The following LRP1B variants were observed in gnomAD, a reference collection of about 807,000 sequenced individuals.
LRP1B encodes LDL receptor related protein 1B.
Under a neutral mutation model 556.6 loss-of-function variants are expected in LRP1B, and 217 were observed. That is an observed-to-expected ratio of 0.39 (90% confidence interval 0.35 to 0.44). LRP1B has a LOEUF of 0.44. LRP1B is among the 20% of genes least tolerant of loss of function. The pLI, the probability that LRP1B is intolerant of heterozygous loss-of-function variation, is 1.00. For synonymous variants in LRP1B, 2,047 were observed against 1,865.8 expected (o/e 1.10, Z -2.50); for missense variants, 5,053 against 5,620.8 (o/e 0.90, Z 3.23).
At chr2:141,464,265 A>T (rs887457442) in intron 3 of LRP1B, among the ~76,000 whole-genome samples, 2 of 152,190 alleles carry the variant, frequency 1.3e-5, no homozygotes, top group African/African-American at 4.8e-5. Context: ...AATTTGGTAC[A>T]ATCTCTAACA....
chr2:140,771,037 T>C (rs2104939665), intron 33 of LRP1B, 31 bp from the exon 34 acceptor site: 19 of 1,520,540 alleles, frequency 1.2e-5, no homozygotes, highest in Non-Finnish European at 1.7e-5. Flanking sequence ...ACAAATTTCT[T>C]TAATGAAATT....
intron 2 of LRP1B, among the ~76,000 whole-genome samples, chr2:141,642,388 G>T (rs1001463537): frequency 2.6e-5 from 4 of 152,120 alleles, no homozygotes; most frequent in Non-Finnish European, 5.9e-5. Flanking sequence ...CAAACTGGAA[G>T]AAACTACACA....
intron 90 of LRP1B, 89 bp from the exon 91 acceptor site, chr2:140,233,415 A>G: frequency 2.4e-6 from 2 of 826,686 alleles, no homozygotes; most frequent in South Asian, 4.7e-5. Context: ...TCCTAATCGT[A>G]ACAATATTTA....
chr2:140,432,529 T>G lies in LRP1B; in HGVS notation c.10414+9975A>C, dbSNP rs182628287. Among the ~76,000 whole-genome samples the G allele has an allele frequency of 2.0e-3, 300 of 152,352 alleles. 2 individuals carry two copies. The highest frequency in any genetic ancestry group is 4.1e-3 in the Admixed American group (62 of 15,302). ...TAGCCAGTTATTACTGCTCAGAGTC[T>G]GTTTGTATCAAGAATCTTGTGTTTT... On this transcript the variant is annotated intron_variant, in intron 66 of 90. Transcript: ENST00000389484.
At chr2:140,565,524 T>C (rs1275624722) in intron 43 of LRP1B, among the ~76,000 whole-genome samples, 1 of 152,162 alleles carries the variant, frequency 6.6e-6, no homozygotes, top group Non-Finnish European at 1.5e-5. Flanking sequence ...TAAATAAGGA[T>C]ATTTACTTAT....
chr2:140,586,593 A>C lies in LRP1B; in HGVS notation c.7194+12038T>G, dbSNP rs1681995178. 3 of 152,266 alleles carry C rather than the reference A, an allele frequency of 2.0e-5. No individual in the cohort carries two copies. In the South Asian group the frequency reaches 6.2e-4, roughly 32 times the overall value. 9.4% of individuals were successfully genotyped at this position (152,266 alleles called of 1,614,324 possible). A position where few individuals can be genotyped will look rare whatever the true frequency, so the allele number is the denominator to read the frequency against. On this transcript the variant is annotated intron_variant, in intron 43 of 90. Transcript: ENST00000389484. Reference sequence around the variant, plus strand: ...CTTCCACCATCATCCTCTAGGTGACACTGTAGAGGCCATCTAGGTAGCCTG... The same window carrying C: ...CTTCCACCATCATCCTCTAGGTGACCCTGTAGAGGCCATCTAGGTAGCCTG...
At chr2:140,571,692 C>A (rs1681327516) in intron 43 of LRP1B, among the ~76,000 whole-genome samples, 1 of 151,588 alleles carries the variant, frequency 6.6e-6, no homozygotes, top group Non-Finnish European at 1.5e-5. Context: ...TCCCAAATAA[C>A]CAAAGCAATC....
intron 2 of LRP1B, among the ~76,000 whole-genome samples, chr2:141,736,127 A>G (rs956359841): frequency 2.6e-5 from 4 of 152,064 alleles, no homozygotes; most frequent in African/African-American, 7.2e-5. Flanking sequence ...AAGTGACTTA[A>G]ACGGCAGACC....
At chr2:141,714,864 A>G (rs1692517397) in intron 2 of LRP1B, among the ~76,000 whole-genome samples, 1 of 152,224 alleles carries the variant, frequency 6.6e-6, no homozygotes, top group Non-Finnish European at 1.5e-5. Flanking sequence ...TCAGATGTAC[A>G]TGGAGAGGGC....
intron 35 of LRP1B, among the ~76,000 whole-genome samples, chr2:140,730,008 C>T (rs759414456): frequency 2.0e-5 from 3 of 152,204 alleles, no homozygotes; most frequent in Non-Finnish European, 4.4e-5. Flanking sequence ...TTCATGCAAA[C>T]TAAAGATCTG....
intron 5 of LRP1B, among the ~76,000 whole-genome samples, chr2:141,239,995 C>A (rs1165784332): frequency 6.6e-6 from 1 of 151,962 alleles, no homozygotes; most frequent in Non-Finnish European, 1.5e-5. Flanking sequence ...CAGCTATGTT[C>A]TTTGTAACTT....
chr2:141,416,745 TGTGTTTACA>T (rs544887024), intron 3 of LRP1B, among the ~76,000 whole-genome samples: 35 of 152,258 alleles, frequency 2.3e-4, no homozygotes, highest in Non-Finnish European at 4.6e-4. Flanking sequence ...TTTTCATTGT[TGTGTTTACA>T]TCTCCATCAG....
intron 27 of LRP1B, among the ~76,000 whole-genome samples, chr2:140,858,379 A>G (rs1023792870): frequency 2.6e-5 from 4 of 151,812 alleles, no homozygotes; most frequent in African/African-American, 9.7e-5. Flanking sequence ...ACGAGTTAAC[A>G]GTGAGGAGAA....
chr2:141,614,351 T>C (rs1303252333), intron 2 of LRP1B, among the ~76,000 whole-genome samples: 1 of 152,188 alleles, frequency 6.6e-6, no homozygotes, highest in African/African-American at 2.4e-5. Flanking sequence ...AGTGTGTATA[T>C]ACTCATCACC....
At chr2:140,240,609 A>C (rs1680909074) in intron 87 of LRP1B, among the ~76,000 whole-genome samples, 3 of 150,908 alleles carry the variant, frequency 2.0e-5, no homozygotes, top group Non-Finnish European at 4.5e-5. Flanking sequence ...AACTTTTCTT[A>C]CTGAAAAATA....
At chr2:141,111,693 C>T (rs754347459) in intron 7 of LRP1B, among the ~76,000 whole-genome samples, 3 of 152,128 alleles carry the variant, frequency 2.0e-5, no homozygotes, top group Non-Finnish European at 4.4e-5. Flanking sequence ...ACTGTGAAGG[C>T]AGCAACTAGG....
chr2:141,938,852 A>G (rs916578527), intron 1 of LRP1B, among the ~76,000 whole-genome samples: 1 of 152,078 alleles, frequency 6.6e-6, no homozygotes, highest in Non-Finnish European at 1.5e-5. Flanking sequence ...GTGACAACAT[A>G]TATGAATCTG....
chr2:140,295,315 C>T lies in LRP1B; in HGVS notation c.12967+2493G>A, dbSNP rs912422653. ...AAGGAACATTGGCCTAGGGTAGGGGCATCTACATATGTCAAGGAAAGGCTA... is the reference window on the plus strand; with the variant it reads ...AAGGAACATTGGCCTAGGGTAGGGGTATCTACATATGTCAAGGAAAGGCTA... On this transcript the variant is annotated intron_variant, in intron 84 of 90. Transcript: ENST00000389484. 3.3e-5 allele frequency among the ~76,000 whole-genome samples: 5 copies of T among 152,194 alleles called. No individual in the cohort carries two copies. In the East Asian group the frequency reaches 5.8e-4, roughly 18 times the overall value.
At chr2:141,173,053 A>C (rs1276978051) in intron 7 of LRP1B, among the ~76,000 whole-genome samples, 1 of 110,412 alleles carries the variant, frequency 9.1e-6, no homozygotes, top group Non-Finnish European at 2.2e-5. Flanking sequence ...ATGCTTTAAA[A>C]TTAAAAAAAA....
Sources: gnomAD v4.1 joint callset for allele counts (sites outside exome capture counted in the v4.1 genomes callset) on GRCh38, gnomAD v4.1.1 for gene constraint, MANE v1.5 for transcripts, NCBI Gene and HGNC (gene_info 2026-07-23, HGNC 2026-07-21) for gene names.